Variants in SORCS3 observed in about 807,000 individuals in gnomAD.
SORCS3 encodes sortilin related VPS10 domain containing receptor 3.
Under a neutral mutation model 146.3 loss-of-function variants are expected in SORCS3, and 57 were observed. The observed-to-expected ratio is 0.39, with a 90% CI of 0.31 to 0.49. The LOEUF is 0.49. Ranked by LOEUF, SORCS3 falls within the 20% of genes least tolerant of loss-of-function variation. The probability of loss-of-function intolerance (pLI) is 0.92; values close to 1 mark genes in which losing one functional copy is unlikely to be tolerated. For missense variants in SORCS3, 1,341 were observed against 1,575.5 expected (o/e 0.85, Z 2.52); for synonymous variants, 653 against 618.5 (o/e 1.06, Z -0.83).
chr10:105,229,091 C>A (rs2056752371), intron 20 of SORCS3, among the ~76,000 whole-genome samples: 1 of 151,894 alleles, frequency 6.6e-6, no homozygotes, highest in African/African-American at 2.4e-5. Context: ...TTCCAAAAAC[C>A]TGTTTTCGGG....
At chr10:105,138,454 CT>C (rs1227145661) in intron 7 of SORCS3, among the ~76,000 whole-genome samples, 3 of 152,194 alleles carry the variant, frequency 2.0e-5, no homozygotes, top group Non-Finnish European at 4.4e-5. Context: ...GTGCTTGGAC[CT>C]TAGTGAGAAT....
intron 4 of SORCS3, among the ~76,000 whole-genome samples, chr10:105,004,313 TC>T (rs1289960416): frequency 6.6e-6 from 1 of 152,106 alleles, no homozygotes; most frequent in Non-Finnish European, 1.5e-5. Flanking sequence ...GTGAAGGGAC[TC>T]TCTACGGAGG....
chr10:105,184,148 T>A (rs773272467), intron 14 of SORCS3, among the ~76,000 whole-genome samples: 1 of 152,218 alleles, frequency 6.6e-6, no homozygotes, highest in African/African-American at 2.4e-5. Flanking sequence ...GGCAGACTCC[T>A]GTAAAGGGCC....
intron 13 of SORCS3, among the ~76,000 whole-genome samples, chr10:105,172,472 C>A (rs756588469): frequency 6.6e-6 from 1 of 152,182 alleles, no homozygotes; most frequent in Non-Finnish European, 1.5e-5. Flanking sequence ...CTTATTCTAT[C>A]TGTATGTTAA....
intron 2 of SORCS3, among the ~76,000 whole-genome samples, chr10:104,884,947 A>T (rs138704757): frequency 1.3e-5 from 2 of 151,614 alleles, no homozygotes; most frequent in African/African-American, 4.8e-5. Context: ...TTTTGCTTCT[A>T]GATTGTTTTT....
chr10:105,253,255 T>C (rs1243859888), intron 23 of SORCS3, among the ~76,000 whole-genome samples: 5 of 152,106 alleles, frequency 3.3e-5, no homozygotes, highest in African/African-American at 1.2e-4. Flanking sequence ...GGAATTTGAA[T>C]TTCCTTGTTT....
At chr10:105,052,215 G>A (rs1484987067) in intron 5 of SORCS3, among the ~76,000 whole-genome samples, 4 of 152,118 alleles carry the variant, frequency 2.6e-5, no homozygotes, top group Admixed American at 2.0e-4. Context: ...TGGGAGATCT[G>A]AAAAGATTTG....
chr10:105,189,617 C>G (rs1415637703), intron 14 of SORCS3, among the ~76,000 whole-genome samples: 1 of 152,132 alleles, frequency 6.6e-6, no homozygotes, highest in African/African-American at 2.4e-5. Context: ...CATGGTGCTG[C>G]GGTCACATAT....
At chr10:104,885,753 A>G (rs1370296839) in intron 2 of SORCS3, among the ~76,000 whole-genome samples, 1 of 152,152 alleles carries the variant, frequency 6.6e-6, no homozygotes, top group Admixed American at 6.6e-5. Flanking sequence ...TTATTCTTGG[A>G]AAGGTCTGAG....
At chr10:104,726,194 G>A (rs775154606) in intron 1 of SORCS3, among the ~76,000 whole-genome samples, 7 of 152,168 alleles carry the variant, frequency 4.6e-5, no homozygotes, top group Non-Finnish European at 7.3e-5. Context: ...CAAGTGTTCA[G>A]TGGCTCTGAA....
intron 1 of SORCS3, among the ~76,000 whole-genome samples, chr10:104,668,580 C>T (rs1196879210): frequency 6.6e-6 from 1 of 152,170 alleles, no homozygotes; most frequent in Non-Finnish European, 1.5e-5. Flanking sequence ...CAGTGAGATA[C>T]ACTTGTATTG....
intron 22 of SORCS3, among the ~76,000 whole-genome samples, chr10:105,248,506 G>C (rs964712515): frequency 6.6e-6 from 1 of 152,156 alleles, no homozygotes; most frequent in Non-Finnish European, 1.5e-5. Context: ...CTGAGGTCAA[G>C]AGATCGAGAC....
intron 3 of SORCS3, among the ~76,000 whole-genome samples, chr10:104,937,233 C>T (rs918836997): frequency 6.6e-6 from 1 of 152,322 alleles, no homozygotes; most frequent in Admixed American, 6.5e-5. Flanking sequence ...CCACTCACCT[C>T]CTGCTGTGCA....
chr10:104,772,260 A>T (rs1039975792), intron 1 of SORCS3, among the ~76,000 whole-genome samples: 1 of 152,122 alleles, frequency 6.6e-6, no homozygotes, highest in Non-Finnish European at 1.5e-5. Flanking sequence ...GTGGGCAAGG[A>T]TCTGCATCTG....
At chr10:104,870,161 AT>A (rs1315905377) in intron 2 of SORCS3, among the ~76,000 whole-genome samples, 1 of 152,226 alleles carries the variant, frequency 6.6e-6, no homozygotes, top group African/African-American at 2.4e-5. Context: ...ATTTTACCAT[AT>A]TTTTTATCAT....
chr10:104,685,389 G>A (rs2016032595), intron 1 of SORCS3, among the ~76,000 whole-genome samples: 2 of 152,136 alleles, frequency 1.3e-5, no homozygotes, highest in Admixed American at 6.5e-5. Context: ...GAGCTTCTGG[G>A]ACCATCTACC....
At chr10:104,876,989 T>C (rs1174521348) in intron 2 of SORCS3, among the ~76,000 whole-genome samples, 1 of 152,042 alleles carries the variant, frequency 6.6e-6, no homozygotes. Context: ...CAAGTACATG[T>C]CACCATGCCT....
Position 105,089,734 on chromosome 10 carries a change from G to A in SORCS3, c.1029-41G>A, listed in dbSNP as rs532779509. ...GCATCCCACTTTGCTGTCTGCTATC[G>A]GTGTTGTCACTGAGCTTCTGTCTCT... On this transcript the variant is annotated intron_variant, in intron 5 of 26. Coordinates refer to ENST00000369701, the MANE Select transcript of SORCS3 (RefSeq NM_014978.3). 4 of 1,552,562 alleles carry A rather than the reference G, an allele frequency of 2.6e-6. 1 individual carries two copies. Among genetic ancestry groups the A allele is most frequent in the Admixed American group, 1.7e-5 (1 of 59,810 alleles).
intron 14 of SORCS3, among the ~76,000 whole-genome samples, chr10:105,181,327 AT>A (rs2056441378): frequency 1.3e-5 from 2 of 152,146 alleles, no homozygotes; most frequent in Non-Finnish European, 2.9e-5. Flanking sequence ...GTAGGTGCAA[AT>A]CATGGGGGCT....
Sources: allele counts gnomAD v4.1 joint callset (sites outside exome capture counted in the v4.1 genomes callset), GRCh38; gene constraint gnomAD v4.1.1; transcripts MANE v1.5; gene names NCBI Gene and HGNC (gene_info 2026-07-23, HGNC 2026-07-21).